ADGRL1: variants seen among roughly 807,000 people sequenced by gnomAD.
ADGRL1 encodes CIRL-1.
Under a neutral mutation model 148.9 loss-of-function variants are expected in ADGRL1, and 31 were observed. That is an observed-to-expected ratio of 0.21 (90% CI 0.16 to 0.28). ADGRL1 has a LOEUF of 0.28. Ranked by LOEUF, ADGRL1 falls within the 10% of genes least tolerant of loss-of-function variation. The pLI, the probability that ADGRL1 is intolerant of heterozygous loss-of-function variation, is 1.00. For synonymous variants in ADGRL1, 937 were observed against 900.3 expected, an observed-to-expected ratio of 1.04 and a Z score of -0.73; for missense variants, 1,521 against 2,058.8, an observed-to-expected ratio of 0.74 and a Z score of 5.05.
chr19:14,152,795 T>G lies in ADGRL1; in HGVS notation c.3412A>C (p.Thr1138Pro). The part of the protein sequence containing the change: ...SAMRSNTRYY[T>P]GTQSRIRRMW... ...GTCTGGCCCGATACCTGGGTCCCTG[T>G]GTAGTAGCGGGTGTTGCTTCGCATG... The change falls in exon 19 of 23, where the codon ACA becomes CCA. Residue 1138 changes from threonine (T) to proline (P), a missense_variant. Thr to Pro is a conservative substitution (Grantham distance 38). Coordinates refer to ENST00000361434, the MANE Select transcript of ADGRL1 (RefSeq NM_014921.5). This position sits in a 1 kb window ranked among gnomAD's most constrained non-coding sequence, Gnocchi z 6.1. 6.2e-7 allele frequency: 1 copy of G among 1,614,082 alleles called. No individual in the cohort carries two copies. Among genetic ancestry groups the G allele is most frequent in the South Asian group, 1.1e-5 (1 of 91,076 alleles).
In ADGRL1 at chr19:14,152,065, G is replaced by T; in HGVS notation, c.3667+68C>A. On this transcript the variant is annotated intron_variant, in intron 22 of 22. Coordinates refer to ENST00000361434, the MANE Select transcript of ADGRL1 (RefSeq NM_014921.5). The surrounding 1 kb of genome is among the most constrained non-coding windows in gnomAD (Gnocchi z 6.1). ...CGAGTTCTCCTCCTTAAGTGAGGCC[G>T]TCTGAGAAGGCCACTGTCTGTCCCT... The T allele has an allele frequency of 6.9e-7, 1 of 1,457,818 alleles. No individual in the cohort carries two copies. The highest frequency in any genetic ancestry group is 9.6e-7 in the Non-Finnish European group (1 of 1,037,686). The allele number at this position is 1,457,818 out of a possible 1,614,324, so 90.3% of individuals were successfully genotyped here.
chr19:14,169,708 C>T (rs1970308342), intron 4 of ADGRL1: 1 of 152,154 alleles, frequency 6.6e-6, no homozygotes, highest in African/African-American at 2.4e-5. Flanking sequence ...CCCGGCCCGC[C>T]ACACTCAGAC....
chr19:14,155,084 G>A lies in ADGRL1; in HGVS notation c.3294+275C>T, dbSNP rs1033072844. The A allele has an allele frequency of 2.9e-5, 7 of 237,958 alleles. No homozygotes were observed. The highest frequency in any genetic ancestry group is 5.7e-5 in the Non-Finnish European group (7 of 122,164). 14.7% of individuals were successfully genotyped at this position (237,958 alleles called of 1,614,324 possible). A position where few individuals can be genotyped will look rare whatever the true frequency, so the allele number is the denominator to read the frequency against. On this transcript the variant is annotated intron_variant, in intron 18 of 22. Transcript: ENST00000361434. This position sits in a 1 kb window ranked among gnomAD's most constrained non-coding sequence, Gnocchi z 5.0. Reference sequence around the variant, plus strand: ...GGCCTGACTCGTGGCCCTCATGGTGGTGAGGGTTCCCCATTACCAAATCTG... The same window carrying A: ...GGCCTGACTCGTGGCCCTCATGGTGATGAGGGTTCCCCATTACCAAATCTG...
Position 14,162,159 on chromosome 19 carries a change from G to A in ADGRL1, c.1195+447C>T, listed in dbSNP as rs573034989. 2.6e-5 allele frequency among the ~76,000 whole-genome samples: 4 copies of A among 152,298 alleles called. No homozygotes were observed. The highest frequency in any genetic ancestry group is 2.0e-4 in the Admixed American group (3 of 15,298). On this transcript the variant is annotated intron_variant, in intron 5 of 22. Coordinates refer to ENST00000361434, the MANE Select transcript of ADGRL1 (RefSeq NM_014921.5). This position sits in a 1 kb window ranked among gnomAD's most constrained non-coding sequence, Gnocchi z 5.4. ...CACAGAGCTAGCAGGGCAGCTAGGC[G>A]GGGCAAAAGAAGACTGCAGAGTTGC...
chr19:14,175,429 A>G (rs1452894041), intron 3 of ADGRL1, among the ~76,000 whole-genome samples: 2 of 151,392 alleles, frequency 1.3e-5, no homozygotes, highest in Admixed American at 6.6e-5. Context: ...ACTCACAGAT[A>G]TGAAAACACA....
intron 1 of ADGRL1, among the ~76,000 whole-genome samples, chr19:14,202,491 G>A (rs1005726863): frequency 2.6e-5 from 4 of 151,998 alleles, no homozygotes; most frequent in African/African-American, 9.7e-5. Flanking sequence ...GACCTCAGGT[G>A]ATCCACCCGC....
chr19:14,153,013 A>C, intron 18 of ADGRL1, 101 bp from the exon 19 acceptor site: 1 of 1,402,536 alleles, frequency 7.1e-7, no homozygotes, highest in African/African-American at 1.4e-5. Context: ...GGGAGGCCGG[A>C]GACCGAGCTT....
intron 4 of ADGRL1, 91 bp from the exon 5 acceptor site, chr19:14,163,497 AG>A (rs879509404): frequency 3.3e-5 from 24 of 720,678 alleles, no homozygotes; most frequent in African/African-American, 1.5e-4. Context: ...AGAGAGAGAG[AG>A]GGGGGAGAGA....
chr19:14,177,411 G>A, intron 3 of ADGRL1, 120 bp downstream of exon 3: 1 of 903,956 alleles, frequency 1.1e-6, no homozygotes, highest in East Asian at 2.4e-5. Flanking sequence ...CCTATTAAGT[G>A]CTCAGTAAAC....
Position 14,148,266 on chromosome 19 carries a change from A to G in ADGRL1, c.*2607T>C, listed in dbSNP as rs1967794572. 6.5e-6 allele frequency: 1 copy of G among 152,678 alleles called. No homozygotes were observed. Among genetic ancestry groups the G allele is most frequent in the African/African-American group, 2.4e-5 (1 of 41,464 alleles). 9.5% of individuals were successfully genotyped at this position (152,678 alleles called of 1,614,324 possible). On this transcript the variant is annotated 3_prime_UTR_variant, in exon 23 of 23. Coordinates refer to ENST00000361434, the MANE Select transcript of ADGRL1 (RefSeq NM_014921.5). ...CTGGACTGCAGTGATGTCCAGCCCCAGCAGGGGGCCCTGCCACACAGCTCT... is the reference window on the plus strand; with the variant it reads ...CTGGACTGCAGTGATGTCCAGCCCCGGCAGGGGGCCCTGCCACACAGCTCT...
intron 12 of ADGRL1, 66 bp downstream of exon 12, chr19:14,158,272 G>T: frequency 6.6e-7 from 1 of 1,516,934 alleles, no homozygotes. Flanking sequence ...GGAGGGGCAG[G>T]TACACAGCCT....
intron 3 of ADGRL1, among the ~76,000 whole-genome samples, chr19:14,173,465 T>C (rs1970614090): frequency 6.6e-6 from 1 of 152,098 alleles, no homozygotes; most frequent in East Asian, 1.9e-4. Flanking sequence ...ATATACAAGG[T>C]TCAGTAGCTC....
chr19:14,164,100 C>G (rs577517729), intron 4 of ADGRL1, among the ~76,000 whole-genome samples: 22 of 150,510 alleles, frequency 1.5e-4, no homozygotes, highest in Non-Finnish European at 2.8e-4. Context: ...CTCCCCACCC[C>G]CCACCCAGTA....
rs1969231062 is a variant in ADGRL1, at chr19:14,160,382, C to T, written c.1615-85G>A. The T allele has an allele frequency of 8.1e-7, 1 of 1,240,404 alleles. No individual in the cohort carries two copies. Among genetic ancestry groups the T allele is most frequent in the Non-Finnish European group, 1.1e-6 (1 of 890,648 alleles). 76.8% of individuals were successfully genotyped at this position (1,240,404 alleles called of 1,614,324 possible). Reference sequence around the variant, plus strand: ...CCCCGGCTTCCCTGGCCTGTGCAGCCTCTCCTATCTCTCTCTCCACTTCCC... The same window carrying T: ...CCCCGGCTTCCCTGGCCTGTGCAGCTTCTCCTATCTCTCTCTCCACTTCCC... On this transcript the variant is annotated intron_variant, in intron 7 of 22. Coordinates refer to ENST00000361434, the MANE Select transcript of ADGRL1 (RefSeq NM_014921.5). This position sits in a 1 kb window ranked among gnomAD's most constrained non-coding sequence, Gnocchi z 5.9.
In ADGRL1 at chr19:14,199,618, G is replaced by A. The variant is rs1972474724; in HGVS notation, c.-96+6367C>T. Among the ~76,000 whole-genome samples the A allele has an allele frequency of 2.6e-5, 4 of 152,022 alleles. No individual in the cohort carries two copies. In the South Asian group the frequency reaches 8.3e-4, roughly 32 times the overall value. ...TTTTTAATTTTTTTGTAGAAATGGG[G>A]GCCTCGTTATGTTTCCCAGGCTGGT... On this transcript the variant is annotated intron_variant, in intron 1 of 22. Coordinates refer to ENST00000361434, the MANE Select transcript of ADGRL1 (RefSeq NM_014921.5).
At chr19:14,189,285 A>G (rs1344017598) in intron 1 of ADGRL1, among the ~76,000 whole-genome samples, 1 of 148,632 alleles carries the variant, frequency 6.7e-6, no homozygotes, top group Non-Finnish European at 1.5e-5. Flanking sequence ...CCGTGGCCCA[A>G]TCTCGGCTCA....
In ADGRL1 at chr19:14,183,700, G is replaced by T. The variant is rs1568617363; in HGVS notation, c.-95-3C>A. 9 of 1,118,514 alleles carry T rather than the reference G, an allele frequency of 8.0e-6. No homozygotes were observed. In the Admixed American group the frequency reaches 1.4e-4, roughly 17 times the overall value. 69.3% of individuals were successfully genotyped at this position (1,118,514 alleles called of 1,614,324 possible). On this transcript the variant is annotated splice_polypyrimidine_tract_variant and splice_region_variant and intron_variant, in intron 1 of 22. Coordinates refer to ENST00000361434, the MANE Select transcript of ADGRL1 (RefSeq NM_014921.5). Reference sequence around the variant, plus strand: ...GCACCACGGCCTGGACCACCAGCCTGGGGGAGGACAGGGAGACTGAGGTGG... The same window carrying T: ...GCACCACGGCCTGGACCACCAGCCTTGGGGAGGACAGGGAGACTGAGGTGG...
At chr19:14,194,073 C>G (rs1449250909) in intron 1 of ADGRL1, among the ~76,000 whole-genome samples, 1 of 152,196 alleles carries the variant, frequency 6.6e-6, no homozygotes, top group African/African-American at 2.4e-5. Context: ...GAGACCCCAG[C>G]TCTACAAACA....
At chr19:14,158,576 A>G in intron 11 of ADGRL1, 24 bp from the exon 12 acceptor site, 1 of 1,582,990 alleles carries the variant, frequency 6.3e-7, no homozygotes. Flanking sequence ...GCACGTTTGG[A>G]TGTGTCAGCA....
Sources: allele counts gnomAD v4.1 joint callset (sites outside exome capture counted in the v4.1 genomes callset), GRCh38; gene constraint gnomAD v4.1.1; non-coding constraint Gnocchi (gnomAD v3.1); transcripts MANE v1.5; gene names NCBI Gene and HGNC (gene_info 2026-07-23, HGNC 2026-07-21).